SGCZ: variants seen among roughly 807,000 people sequenced by gnomAD.
SGCZ encodes the protein zeta-sarcoglycan.
A neutral mutation model predicts 41.3 loss-of-function variants in SGCZ; 40 were observed. The ratio of observed to expected loss-of-function variants is 0.97; its 90% CI spans 0.75 to 1.26. The LOEUF is 1.26. Ranked by LOEUF, SGCZ falls within the 50% of genes most tolerant of loss-of-function variation. The pLI is 0.00. For missense variants in SGCZ, 552 were observed against 369.8 expected (o/e 1.49, Z -4.04); for synonymous variants, 206 against 137.5 (o/e 1.50, Z -3.49).
At chr8:14,187,372 G>A (rs1038535401) in intron 4 of SGCZ, among the ~76,000 whole-genome samples, 1 of 152,160 alleles carries the variant, frequency 6.6e-6, no homozygotes, top group Non-Finnish European at 1.5e-5. Context: ...AACAGAAACT[G>A]CTTGTGAGAA....
At chr8:14,349,327 C>G (rs530880812) in intron 2 of SGCZ, among the ~76,000 whole-genome samples, 2 of 152,176 alleles carry the variant, frequency 1.3e-5, no homozygotes, top group South Asian at 2.1e-4. Flanking sequence ...TTCTTTAACT[C>G]AGTGAAGAAG....
intron 6 of SGCZ, among the ~76,000 whole-genome samples, chr8:14,103,656 T>TTTTTCACTCACCAAAGCAACTTAA (rs1802106462): frequency 1.3e-5 from 2 of 151,942 alleles, no homozygotes; most frequent in South Asian, 4.2e-4. Flanking sequence ...ATTTTCTTTT[T>TTTTTCACTCACCAAAGCAACTTAA]TTTTCACTCA....
chr8:14,109,159 C>T (rs1802298195), intron 5 of SGCZ, among the ~76,000 whole-genome samples: 1 of 152,160 alleles, frequency 6.6e-6, no homozygotes, highest in Non-Finnish European at 1.5e-5. Context: ...TCATGAACTG[C>T]TTTAAATTCT....
intron 1 of SGCZ, among the ~76,000 whole-genome samples, chr8:14,685,754 G>A (rs190955498): frequency 5.3e-5 from 8 of 152,164 alleles, no homozygotes; most frequent in African/African-American, 1.9e-4. Context: ...TAATTTACAG[G>A]AAAGTCTATT....
intron 5 of SGCZ, among the ~76,000 whole-genome samples, chr8:14,145,418 T>G (rs545200902): frequency 6.6e-6 from 1 of 152,096 alleles, no homozygotes; most frequent in African/African-American, 2.4e-5. Flanking sequence ...ACAGGTTAGA[T>G]CACAACACCC....
At chr8:15,020,810 G>A (rs2130941770) in intron 1 of SGCZ, among the ~76,000 whole-genome samples, 1 of 152,274 alleles carries the variant, frequency 6.6e-6, no homozygotes, top group Non-Finnish European at 1.5e-5. Context: ...CCACACTTGT[G>A]TTCTTCTATA....
chr8:15,178,231 T>A (rs1389894493), intron 1 of SGCZ, among the ~76,000 whole-genome samples: 1 of 152,152 alleles, frequency 6.6e-6, no homozygotes. Flanking sequence ...ATTTTTTTTT[T>A]ACTAATCAAT....
intron 1 of SGCZ, among the ~76,000 whole-genome samples, chr8:14,747,962 G>A (rs558039911): frequency 4.0e-5 from 6 of 150,732 alleles, no homozygotes; most frequent in Non-Finnish European, 7.4e-5. Context: ...CTGAACTCAG[G>A]TGATTCACCC....
At chr8:14,842,269 T>C (rs555758051) in intron 1 of SGCZ, among the ~76,000 whole-genome samples, 1 of 150,456 alleles carries the variant, frequency 6.6e-6, no homozygotes, top group South Asian at 2.1e-4. Context: ...GAAGGATAAG[T>C]GAAAGAAAAT....
intron 2 of SGCZ, among the ~76,000 whole-genome samples, chr8:14,426,585 G>C (rs1223821174): frequency 6.6e-6 from 1 of 152,052 alleles, no homozygotes; most frequent in Non-Finnish European, 1.5e-5. Flanking sequence ...GAGAAGTTTT[G>C]TTTGTTATTT....
At chr8:15,050,932 G>A (rs1804488808) in intron 1 of SGCZ, among the ~76,000 whole-genome samples, 2 of 152,258 alleles carry the variant, frequency 1.3e-5, no homozygotes, top group East Asian at 1.9e-4. Flanking sequence ...CATTATATGG[G>A]AAATACTTGC....
chr8:15,135,165 G>A (rs1808059690), intron 1 of SGCZ, among the ~76,000 whole-genome samples: 1 of 152,096 alleles, frequency 6.6e-6, no homozygotes, highest in South Asian at 2.1e-4. Context: ...ATAAATTATG[G>A]TTCTGAGCAT....
At chr8:15,074,005 T>C (rs904357843) in intron 1 of SGCZ, among the ~76,000 whole-genome samples, 5 of 152,048 alleles carry the variant, frequency 3.3e-5, no homozygotes, top group African/African-American at 1.2e-4. Flanking sequence ...AATAGTCCCT[T>C]CCCAAAACTA....
chr8:14,653,946 GT>G (rs1431304811), intron 1 of SGCZ, among the ~76,000 whole-genome samples: 2 of 152,054 alleles, frequency 1.3e-5, no homozygotes, highest in African/African-American at 2.4e-5. Flanking sequence ...AGACAGATTT[GT>G]TTTTGTCCAA....
At chr8:14,732,969 C>A (rs956226667) in intron 1 of SGCZ, among the ~76,000 whole-genome samples, 1 of 151,694 alleles carries the variant, frequency 6.6e-6, no homozygotes, top group Admixed American at 6.6e-5. Context: ...ATTAGTTTAT[C>A]ATTTAAAACA....
Position 14,882,151 on chromosome 8 carries a change from A to C in SGCZ, c.40-327225T>G, listed in dbSNP as rs566429457. ...AGATCCCAAATCAGTTTCTATCTGT[A>C]AGTGAATGTGAGGTCTTAGCAAAGT... On this transcript the variant is annotated intron_variant, in intron 1 of 7. Coordinates refer to ENST00000382080, the MANE Select transcript of SGCZ (RefSeq NM_139167.4). Among the ~76,000 whole-genome samples the C allele has an allele frequency of 5.6e-4, 86 of 152,310 alleles. 1 individual carries two copies. Among genetic ancestry groups the C allele is most frequent in the Middle Eastern group, 3.4e-3 (1 of 294 alleles).
chr8:15,176,918 G>A (rs192172935), intron 1 of SGCZ, among the ~76,000 whole-genome samples: 232 of 152,176 alleles, frequency 1.5e-3, no homozygotes, highest in South Asian at 6.0e-3. Flanking sequence ...GGACAATGGC[G>A]TGAACCCAGG....
At chr8:14,248,441 G>A (rs1799180484) in intron 3 of SGCZ, among the ~76,000 whole-genome samples, 1 of 152,116 alleles carries the variant, frequency 6.6e-6, no homozygotes, top group Non-Finnish European at 1.5e-5. Flanking sequence ...TGTTATATGA[G>A]TATCATGAAT....
At chr8:14,251,699 A>G (rs570192109) in intron 3 of SGCZ, among the ~76,000 whole-genome samples, 1 of 152,176 alleles carries the variant, frequency 6.6e-6, no homozygotes, top group African/African-American at 2.4e-5. Context: ...ATAGTATTAG[A>G]CTTGCATGCA....
Sources: allele counts gnomAD v4.1 joint callset (sites outside exome capture counted in the v4.1 genomes callset), GRCh38; gene constraint gnomAD v4.1.1; transcripts MANE v1.5; gene names NCBI Gene and HGNC (gene_info 2026-07-23, HGNC 2026-07-21).